PALS2: variants seen among roughly 807,000 people sequenced by gnomAD.
The protein encoded by PALS2 is protein associated with LIN7 2, MAGUK p55 family member.
PALS2 carries 27 observed loss-of-function variants against 61.6 expected under a neutral mutation model. The ratio of observed to expected loss-of-function variants is 0.44; its 90% CI spans 0.32 to 0.60. The LOEUF (loss-of-function observed/expected upper bound fraction) is 0.60, where lower values mean the gene tolerates loss of function less well. Among genes scored for constraint, PALS2 ranks in the 20% least tolerant of loss-of-function variants. PALS2 has a pLI of 0.05. For synonymous variants in PALS2, 236 were observed against 218.6 expected, an observed-to-expected ratio of 1.08 and a Z score of -0.70; for missense variants, 554 against 639.4, an observed-to-expected ratio of 0.87 and a Z score of 1.44.
At chr7:24,603,316 G>C (rs1783783029) in intron 1 of PALS2, among the ~76,000 whole-genome samples, 1 of 152,208 alleles carries the variant, frequency 6.6e-6, no homozygotes. Flanking sequence ...AGGGAAGAAA[G>C]AGAAGACACA....
At chr7:24,622,207 A>G (rs1008299764) in intron 1 of PALS2, among the ~76,000 whole-genome samples, 1 of 152,094 alleles carries the variant, frequency 6.6e-6, no homozygotes, top group African/African-American at 2.4e-5. Context: ...CAAAAAAAGA[A>G]AAGGCAGTTC....
At chr7:24,609,376 C>A (rs531972212) in intron 1 of PALS2, among the ~76,000 whole-genome samples, 1 of 152,064 alleles carries the variant, frequency 6.6e-6, no homozygotes, top group South Asian at 2.1e-4. Flanking sequence ...AGGTGGGAGC[C>A]CTTAAAATAA....
intron 9 of PALS2, among the ~76,000 whole-genome samples, chr7:24,673,389 T>A (rs1176236620): frequency 2.0e-5 from 3 of 152,186 alleles, no homozygotes; most frequent in Non-Finnish European, 4.4e-5. Flanking sequence ...TGTCTAGCTT[T>A]GATATGGTAA....
chr7:24,577,515 T>C (rs1011713470), intron 1 of PALS2, among the ~76,000 whole-genome samples: 4 of 152,248 alleles, frequency 2.6e-5, no homozygotes, highest in Admixed American at 2.6e-4. Flanking sequence ...CATGATTTAA[T>C]CCCTCCTTCA....
At chr7:24,605,147 T>A (rs1783852162) in intron 1 of PALS2, among the ~76,000 whole-genome samples, 1 of 152,216 alleles carries the variant, frequency 6.6e-6, no homozygotes, top group South Asian at 2.1e-4. Flanking sequence ...GAGTAATGTT[T>A]GTAATAAAAG....
chr7:24,680,637 C>G, intron 11 of PALS2, 117 bp downstream of exon 11: 1 of 1,313,822 alleles, frequency 7.6e-7, no homozygotes, highest in African/African-American at 1.5e-5. Flanking sequence ...GCTTTGTCAC[C>G]CAGGCTGGAG....
At chr7:24,625,664 G>T (rs1040056118) in intron 2 of PALS2, among the ~76,000 whole-genome samples, 1 of 152,206 alleles carries the variant, frequency 6.6e-6, no homozygotes, top group Non-Finnish European at 1.5e-5. Context: ...TTATGCCATT[G>T]ATGTTGGTCT....
Position 24,640,900 on chromosome 7 carries a change from T to A in PALS2, c.118-816T>A, listed in dbSNP as rs562478963. ...GCGGGTACCTGTAGTCCCAGCTACT[T>A]GGGAGGCTGAGGCAGGAGAATGGCG... On this transcript the variant is annotated intron_variant, in intron 2 of 11. Coordinates refer to ENST00000222644, the MANE Select transcript of PALS2 (RefSeq NM_001303037.2). Among the ~76,000 whole-genome samples, 627 of 142,606 alleles carry A rather than the reference T, an allele frequency of 4.4e-3. 4 individuals carry two copies. Among genetic ancestry groups the A allele is most frequent in the African/African-American group, 0.015 (583 of 37,856 alleles). The allele number at this position is 142,606 out of a possible 152,430, so 93.6% of individuals were successfully genotyped here.
chr7:24,650,842 G>C, intron 5 of PALS2, 130 bp downstream of exon 5: 1 of 655,254 alleles, frequency 1.5e-6, no homozygotes, highest in East Asian at 2.9e-5. Flanking sequence ...TTCTGAAATG[G>C]CTTATTTTGT....
chr7:24,644,818 G>T (rs564027659), intron 3 of PALS2, among the ~76,000 whole-genome samples: 5 of 151,764 alleles, frequency 3.3e-5, no homozygotes, highest in African/African-American at 1.2e-4. Flanking sequence ...GGTATTTTTT[G>T]ACCTTTTAAT....
At chr7:24,582,847 T>G (rs78467898) in intron 1 of PALS2, among the ~76,000 whole-genome samples, 4,200 of 151,278 alleles carry the variant, frequency 0.028, 83 homozygotes, top group Non-Finnish European at 0.042. Context: ...GAAGTTTAAT[T>G]TATTAAAGTT....
In PALS2 at chr7:24,573,682, G is replaced by A. The variant is rs1275893092; in HGVS notation, c.-3+89G>A. On this transcript the variant is annotated intron_variant, in intron 1 of 11. Coordinates refer to ENST00000222644, the MANE Select transcript of PALS2 (RefSeq NM_001303037.2). This position sits in a 1 kb window ranked among gnomAD's most constrained non-coding sequence, Gnocchi z 5.3. Reference sequence around the variant, plus strand: ...GGCGCCCTGTTGCTCGGCGCGGCGCGCCACGCGGGGACCCTGGCCCGCCCC... The same window carrying A: ...GGCGCCCTGTTGCTCGGCGCGGCGCACCACGCGGGGACCCTGGCCCGCCCC... 10 of 186,864 alleles carry A rather than the reference G, an allele frequency of 5.4e-5. No homozygotes were observed. The allele number at this position is 186,864 out of a possible 1,614,324, so 11.6% of individuals were successfully genotyped here.
At chr7:24,579,302 CATT>C (rs1019538996) in intron 1 of PALS2, among the ~76,000 whole-genome samples, 8 of 152,142 alleles carry the variant, frequency 5.3e-5, no homozygotes, top group Non-Finnish European at 8.8e-5. Flanking sequence ...GGGGCTTTCA[CATT>C]GTTGGTGGAA....
At chr7:24,643,573 C>T (rs1785675387) in intron 3 of PALS2, among the ~76,000 whole-genome samples, 1 of 152,090 alleles carries the variant, frequency 6.6e-6, no homozygotes, top group Non-Finnish European at 1.5e-5. Flanking sequence ...ATTCAGACTT[C>T]TCCATTTGAT....
At position 24,691,365 on chromosome 7, in the gene PALS2, T is replaced by C. The variant is rs979558467; in HGVS notation, c.*3751T>C. 1.4e-4 allele frequency: 21 copies of C among 146,082 alleles called. No individual in the cohort carries two copies. The highest frequency in any genetic ancestry group is 5.2e-4 in the African/African-American group (21 of 40,242). 9.0% of individuals were successfully genotyped at this position (146,082 alleles called of 1,614,324 possible). A position where few individuals can be genotyped will look rare whatever the true frequency, so the allele number is the denominator to read the frequency against. ...CATAGATAGCAGTTCATTTTTTAAA[T>C]GTTCGAGTTGCCATATATTATGTAT... is the stretch of plus-strand genomic sequence containing the variant. On this transcript the variant is annotated 3_prime_UTR_variant, in exon 12 of 12. Transcript: ENST00000222644.
intron 8 of PALS2, chr7:24,667,021 T>C (rs1787053029): frequency 6.6e-6 from 1 of 152,112 alleles, no homozygotes; most frequent in African/African-American, 2.4e-5. Flanking sequence ...GAAAATAATA[T>C]AGAAGGAAGA....
In PALS2 at chr7:24,634,143, C is replaced by A. The variant is rs191039627; in HGVS notation, c.118-7573C>A. The stretch of plus-strand genomic sequence containing the variant: ...GGTACAAGTCTTTTATGAGATATAT[C>A]ATTTGCAAATATTTCTCCCATTATA... On this transcript the variant is annotated intron_variant, in intron 2 of 11. Coordinates refer to ENST00000222644, the MANE Select transcript of PALS2 (RefSeq NM_001303037.2). Among the ~76,000 whole-genome samples, 5 of 152,202 alleles carry A rather than the reference C, an allele frequency of 3.3e-5. No individual in the cohort carries two copies. The East Asian group carries it at 5.8e-4, about 18-fold the overall frequency.
intron 9 of PALS2, among the ~76,000 whole-genome samples, chr7:24,670,663 A>G (rs917046892): frequency 1.3e-5 from 2 of 152,242 alleles, no homozygotes; most frequent in Non-Finnish European, 1.5e-5. Flanking sequence ...CAACGTCTTC[A>G]TCATCGCCAA....
chr7:24,590,845 C>CTT (rs35467271), intron 1 of PALS2, among the ~76,000 whole-genome samples: 3 of 133,202 alleles, frequency 2.3e-5, no homozygotes, highest in Non-Finnish European at 4.9e-5. Context: ...TTCTTGGGGA[C>CTT]TTTTTTTTTT....
Sources: allele counts gnomAD v4.1 joint callset (sites outside exome capture counted in the v4.1 genomes callset), GRCh38; gene constraint gnomAD v4.1.1; non-coding constraint Gnocchi (gnomAD v3.1); transcripts MANE v1.5; gene names NCBI Gene and HGNC (gene_info 2026-07-23, HGNC 2026-07-21).